The following C1QTNF3 variants were observed in gnomAD, a reference collection of about 807,000 sequenced individuals.
C1QTNF3 encodes complement C1q tumor necrosis factor-related protein 3.
In C1QTNF3, 26 loss-of-function variants were observed where a neutral mutation model predicts 32.6. The observed-to-expected ratio is 0.80, with a 90% CI of 0.58 to 1.11. The LOEUF (loss-of-function observed/expected upper bound fraction) is 1.11, where lower values mean the gene tolerates loss of function less well. Ranked by LOEUF, C1QTNF3 falls within the 50% of genes least tolerant of loss-of-function variation. C1QTNF3 has a pLI of 0.00. For synonymous variants in C1QTNF3, 155 were observed against 146.0 expected (o/e 1.06, Z -0.44); for missense variants, 362 against 398.2 (o/e 0.91, Z 0.77).
the C1QTNF3 span, among the ~76,000 whole-genome samples, chr5:34,195,873 C>G: frequency 6.6e-6 from 1 of 152,192 alleles, no homozygotes; most frequent in South Asian, 2.1e-4. Context: ...TGATAAAGCC[C>G]TAACCCCCAA....
chr5:34,229,135 C>T, the C1QTNF3 span, among the ~76,000 whole-genome samples: 1 of 152,064 alleles, frequency 6.6e-6, no homozygotes, highest in Admixed American at 6.6e-5. Context: ...ACAGCACTTA[C>T]GGATCTTTAA....
At chr5:34,125,675 T>C in the C1QTNF3 span, among the ~76,000 whole-genome samples, 1 of 152,204 alleles carries the variant, frequency 6.6e-6, no homozygotes, top group Non-Finnish European at 1.5e-5. Flanking sequence ...TACATCCTTT[T>C]ATATATTTTT....
At chr5:34,178,170 A>C in the C1QTNF3 span, among the ~76,000 whole-genome samples, 1 of 150,602 alleles carries the variant, frequency 6.6e-6, no homozygotes, top group Non-Finnish European at 1.5e-5. Flanking sequence ...AATCCAAGCT[A>C]CTTGGGAGGC....
the C1QTNF3 span, among the ~76,000 whole-genome samples, chr5:34,049,027 A>G: frequency 6.6e-6 from 1 of 151,330 alleles, no homozygotes. Context: ...ACAGAGGGCA[A>G]TTTAATTCCT....
chr5:34,137,204 A>G, the C1QTNF3 span, among the ~76,000 whole-genome samples: 2 of 151,718 alleles, frequency 1.3e-5, no homozygotes, highest in African/African-American at 4.9e-5. Context: ...TTCAGGGCCC[A>G]AAGGTCCAAG....
At chr5:34,053,264 A>C in the C1QTNF3 span, among the ~76,000 whole-genome samples, 2 of 152,228 alleles carry the variant, frequency 1.3e-5, no homozygotes, top group East Asian at 3.8e-4. Context: ...ATGTTTCCAC[A>C]TGAGTAATGC....
At chr5:34,134,594 C>G in the C1QTNF3 span, among the ~76,000 whole-genome samples, 1 of 152,106 alleles carries the variant, frequency 6.6e-6, no homozygotes, top group Non-Finnish European at 1.5e-5. Context: ...AAGTATTAAG[C>G]GAAGTACAAT....
chr5:34,125,613 C>A, the C1QTNF3 span, among the ~76,000 whole-genome samples: 1 of 151,874 alleles, frequency 6.6e-6, no homozygotes, highest in Non-Finnish European at 1.5e-5. Context: ...AAGTACAGCA[C>A]ATTGTCTGCA....
chr5:34,117,169 A>T, the C1QTNF3 span, among the ~76,000 whole-genome samples: 1 of 152,000 alleles, frequency 6.6e-6, no homozygotes, highest in African/African-American at 2.4e-5. Flanking sequence ...TATATCCTTC[A>T]TGTGTCTTTG....
At chr5:34,194,116 T>G in the C1QTNF3 span, among the ~76,000 whole-genome samples, 1 of 152,422 alleles carries the variant, frequency 6.6e-6, no homozygotes, top group Admixed American at 6.5e-5. Context: ...GCTTTGCAAT[T>G]ATATGACTCA....
intron 1 of C1QTNF3, among the ~76,000 whole-genome samples, chr5:34,038,225 A>G (rs1356705348): frequency 6.6e-6 from 1 of 152,134 alleles, no homozygotes; most frequent in African/African-American, 2.4e-5. Context: ...CAGCGTGTTG[A>G]GTGCTTTGGA....
At chr5:34,146,498 C>G in the C1QTNF3 span, among the ~76,000 whole-genome samples, 1 of 151,946 alleles carries the variant, frequency 6.6e-6, no homozygotes, top group Non-Finnish European at 1.5e-5. Flanking sequence ...AACAAAAAAC[C>G]CGGAAATAAA....
chr5:34,018,021 A>C lies in C1QTNF3; in HGVS notation c.*2562T>G, dbSNP rs1162258652. 6.6e-6 allele frequency among the ~76,000 whole-genome samples: 1 copy of C among 151,908 alleles called. No individual in the cohort carries two copies. Among genetic ancestry groups the C allele is most frequent in the Non-Finnish European group, 1.5e-5 (1 of 67,970 alleles). Reference sequence around the variant, plus strand: ...CTTAGTAGCATTTGAGAGTGTTCTTAATATGTTTAGTCCAACCCATTAGAG... The same window carrying C: ...CTTAGTAGCATTTGAGAGTGTTCTTCATATGTTTAGTCCAACCCATTAGAG... On this transcript the variant is annotated 3_prime_UTR_variant, in exon 6 of 6. Transcript: ENST00000382065.
the C1QTNF3 span, among the ~76,000 whole-genome samples, chr5:34,172,443 G>A: frequency 6.6e-6 from 1 of 151,334 alleles, no homozygotes; most frequent in Non-Finnish European, 1.5e-5. Flanking sequence ...GGTTGGGCGG[G>A]GGGGGCGGGG....
At chr5:34,089,399 G>A in the C1QTNF3 span, among the ~76,000 whole-genome samples, 1 of 152,142 alleles carries the variant, frequency 6.6e-6, no homozygotes, top group Admixed American at 6.5e-5. Flanking sequence ...CCTTTGAGAA[G>A]TGATTAGGTC....
At chr5:34,232,275 G>A in the C1QTNF3 span, among the ~76,000 whole-genome samples, 1 of 152,164 alleles carries the variant, frequency 6.6e-6, no homozygotes, top group Non-Finnish European at 1.5e-5. Flanking sequence ...ATAGGCAGAA[G>A]GGATTTGCCT....
chr5:34,244,068 T>C, the C1QTNF3 span, among the ~76,000 whole-genome samples: 1 of 152,154 alleles, frequency 6.6e-6, no homozygotes, highest in South Asian at 2.1e-4. Context: ...TAAATCTCTC[T>C]GGTTTCTCAC....
At chr5:34,044,324 G>A (rs570709098), upstream of C1QTNF3, among the ~76,000 whole-genome samples, 62 of 152,166 alleles carry the variant, frequency 4.1e-4, 1 homozygote, top group South Asian at 4.2e-3. Flanking sequence ...TCATTCACTC[G>A]CTTAAGAAAA....
At chr5:34,168,526 A>G in the C1QTNF3 span, 1 of 151,786 alleles carries the variant, frequency 6.6e-6, no homozygotes, top group Non-Finnish European at 1.5e-5. Context: ...TGAGTTTCAG[A>G]TAGTAGCACA....
Sources: gnomAD v4.1 joint callset for allele counts (sites outside exome capture counted in the v4.1 genomes callset) on GRCh38, gnomAD v4.1.1 for gene constraint, MANE v1.5 for transcripts, NCBI Gene and HGNC (gene_info 2026-07-23, HGNC 2026-07-21) for gene names.